Variants in ENTREP1 observed in about 807,000 individuals in gnomAD.
The protein encoded by ENTREP1 is Friedreich ataxia region gene X123.
the ENTREP1 span, chr9:69,383,725 A>T: frequency 6.2e-7 from 1 of 1,614,114 alleles, no homozygotes; most frequent in South Asian, 1.1e-5. Flanking sequence ...CCGCCGCCAT[A>T]TGAAGCTGTG....
the ENTREP1 span, chr9:69,375,621 T>G: frequency 1.2e-6 from 1 of 811,046 alleles, no homozygotes; most frequent in Non-Finnish European, 2.0e-6. Context: ...ATAGAGGCAT[T>G]GCCTGACACA....
At chr9:69,360,556 T>C in the ENTREP1 span, among the ~76,000 whole-genome samples, 1 of 152,240 alleles carries the variant, frequency 6.6e-6, no homozygotes. Context: ...CTGTTATTAT[T>C]GATACAAATG....
the ENTREP1 span, among the ~76,000 whole-genome samples, chr9:69,363,969 T>C: frequency 6.6e-6 from 1 of 152,192 alleles, no homozygotes; most frequent in East Asian, 1.9e-4. Flanking sequence ...GGACACGTTT[T>C]GGAAATAATG....
the ENTREP1 span, among the ~76,000 whole-genome samples, chr9:69,342,968 T>A: frequency 6.6e-6 from 1 of 152,264 alleles, no homozygotes; most frequent in Admixed American, 6.5e-5. Context: ...GTGATTCATC[T>A]ACGGTTGGAA....
the ENTREP1 span, among the ~76,000 whole-genome samples, chr9:69,340,721 G>A: frequency 2.7e-5 from 2 of 73,156 alleles, no homozygotes; most frequent in South Asian, 4.7e-4. Flanking sequence ...GTGTGTGCAT[G>A]CATGTGTGTG....
chr9:69,337,647 AATG>A, the ENTREP1 span, among the ~76,000 whole-genome samples: 5 of 152,140 alleles, frequency 3.3e-5, no homozygotes, highest in Admixed American at 1.3e-4. Flanking sequence ...CACAGTTTTA[AATG>A]ATAAGTTTAA....
the ENTREP1 span, chr9:69,324,808 T>C: frequency 2.0e-6 from 2 of 984,932 alleles, no homozygotes; most frequent in Non-Finnish European, 2.4e-6. Context: ...AGGGCCTCTC[T>C]CGTGGCTGGA....
the ENTREP1 span, among the ~76,000 whole-genome samples, chr9:69,351,307 T>G: frequency 6.6e-6 from 1 of 152,210 alleles, no homozygotes; most frequent in Non-Finnish European, 1.5e-5. Flanking sequence ...CTTTTCTCCT[T>G]CATCCTTTTG....
chr9:69,336,949 T>G, the ENTREP1 span, among the ~76,000 whole-genome samples: 1 of 149,774 alleles, frequency 6.7e-6, no homozygotes, highest in Non-Finnish European at 1.5e-5. Flanking sequence ...CCTCCCGCCT[T>G]GGCCTCCCAA....
chr9:69,371,302 A>G, the ENTREP1 span: 1 of 635,126 alleles, frequency 1.6e-6, no homozygotes, highest in Non-Finnish European at 2.8e-6. Context: ...AGAAGACTTA[A>G]GAGTCAGTGG....
At chr9:69,339,802 C>T in the ENTREP1 span, among the ~76,000 whole-genome samples, 1 of 152,246 alleles carries the variant, frequency 6.6e-6, no homozygotes, top group East Asian at 1.9e-4. Context: ...GCCTCTTCTT[C>T]TGGCTCTCAG....
the ENTREP1 span, chr9:69,325,777 C>CTGG: frequency 8.2e-7 from 1 of 1,214,588 alleles, no homozygotes; most frequent in African/African-American, 1.6e-5. Context: ...ATAGGGGGCT[C>CTGG]TGGTCGTTCC....
the ENTREP1 span, among the ~76,000 whole-genome samples, chr9:69,353,070 G>A: frequency 6.6e-6 from 1 of 152,148 alleles, no homozygotes; most frequent in Non-Finnish European, 1.5e-5. Flanking sequence ...CCAGGAAACT[G>A]AGGCTGCAGT....
the ENTREP1 span, among the ~76,000 whole-genome samples, chr9:69,341,127 C>T: frequency 2.3e-3 from 354 of 152,228 alleles, 3 homozygotes; most frequent in African/African-American, 7.4e-3. Flanking sequence ...TGTGAAAACC[C>T]AGCTAGCTCT....
chr9:69,350,137 G>T, the ENTREP1 span, among the ~76,000 whole-genome samples: 1 of 152,112 alleles, frequency 6.6e-6, no homozygotes, highest in African/African-American at 2.4e-5. Context: ...TTGTATTTAA[G>T]AAGGGCTTTG....
At chr9:69,390,934 C>A in the ENTREP1 span, among the ~76,000 whole-genome samples, 1 of 143,886 alleles carries the variant, frequency 6.9e-6, no homozygotes, top group Non-Finnish European at 1.5e-5. Flanking sequence ...AACCACCATG[C>A]CCAGCTAATT....
At chr9:69,325,630 G>A in the ENTREP1 span, 1 of 1,231,126 alleles carries the variant, frequency 8.1e-7, no homozygotes. Flanking sequence ...AGCTGATCTT[G>A]GGCTGCTGCA....
the ENTREP1 span, chr9:69,383,943 G>T: frequency 6.8e-6 from 11 of 1,612,658 alleles, no homozygotes; most frequent in South Asian, 1.1e-4. Context: ...TTGCTGTGAT[G>T]CAGGGATCTT....
chr9:69,371,435 G>A, the ENTREP1 span: 1 of 1,122,596 alleles, frequency 8.9e-7, no homozygotes, highest in Non-Finnish European at 1.4e-6. Flanking sequence ...TTTAAAATCA[G>A]GTAAAACTCT....
Sources: allele counts gnomAD v4.1 joint callset (sites outside exome capture counted in the v4.1 genomes callset), GRCh38; gene constraint gnomAD v4.1.1; transcripts MANE v1.5; gene names NCBI Gene and HGNC (gene_info 2026-07-23, HGNC 2026-07-21).